ARHGAP24: variants seen among roughly 807,000 people sequenced by gnomAD.
The protein encoded by ARHGAP24 is Rho GTPase activating protein 24, also known as rho GTPase-activating protein 24.
A neutral mutation model predicts 76.4 loss-of-function variants in ARHGAP24; 50 were observed. That is an observed-to-expected ratio of 0.65 (90% CI 0.52 to 0.83). The LOEUF (loss-of-function observed/expected upper bound fraction) is 0.83. Among genes scored for constraint, ARHGAP24 ranks in the 40% least tolerant of loss-of-function variants. The pLI is 0.00. For synonymous variants in ARHGAP24, 345 were observed against 323.3 expected (o/e 1.07, Z -0.72); for missense variants, 930 against 914.2 (o/e 1.02, Z -0.22).
At chr4:85,893,957 G>C (rs1733983093) in intron 3 of ARHGAP24, among the ~76,000 whole-genome samples, 1 of 116,638 alleles carries the variant, frequency 8.6e-6, no homozygotes, top group South Asian at 4.0e-4. Context: ...GGTGGGGTGG[G>C]GGGAGGGGGG....
At chr4:85,945,904 T>C (rs1162511525) in intron 5 of ARHGAP24, among the ~76,000 whole-genome samples, 1 of 152,210 alleles carries the variant, frequency 6.6e-6, no homozygotes, top group Non-Finnish European at 1.5e-5. Flanking sequence ...TCTGTTTTCA[T>C]GCTGCTGATA....
chr4:85,535,155 G>T (rs981270675), intron 1 of ARHGAP24, among the ~76,000 whole-genome samples: 5 of 151,918 alleles, frequency 3.3e-5, no homozygotes, highest in African/African-American at 4.8e-5. Context: ...ATGCATTTTT[G>T]TACCCCTATT....
intron 2 of ARHGAP24, among the ~76,000 whole-genome samples, chr4:85,587,629 T>TAGTC (rs1277931134): frequency 1.3e-5 from 2 of 152,310 alleles, no homozygotes; most frequent in East Asian, 3.9e-4. Context: ...GTATACACTT[T>TAGTC]AGTCAAATTG....
intron 3 of ARHGAP24, among the ~76,000 whole-genome samples, chr4:85,794,412 A>C (rs901620727): frequency 2.0e-5 from 3 of 152,222 alleles, no homozygotes; most frequent in African/African-American, 7.2e-5. Context: ...AGGGAGAAAG[A>C]ATACTTCCCA....
intron 5 of ARHGAP24, among the ~76,000 whole-genome samples, chr4:85,960,731 A>G (rs943414175): frequency 2.6e-5 from 4 of 152,138 alleles, no homozygotes; most frequent in Non-Finnish European, 2.9e-5. Context: ...TCATGTTGCA[A>G]AATAATTTCT....
chr4:85,521,136 C>T (rs1455734583), intron 1 of ARHGAP24, among the ~76,000 whole-genome samples: 1 of 152,088 alleles, frequency 6.6e-6, no homozygotes, highest in Non-Finnish European at 1.5e-5. Context: ...TTCAATGATG[C>T]CCAGTTAAAT....
chr4:85,961,117 G>A (rs1738216281), intron 5 of ARHGAP24, among the ~76,000 whole-genome samples: 1 of 152,026 alleles, frequency 6.6e-6, no homozygotes, highest in African/African-American at 2.4e-5. Flanking sequence ...TAGTGACAAA[G>A]GATCCCTTCT....
intron 4 of ARHGAP24, among the ~76,000 whole-genome samples, chr4:85,933,083 T>C (rs1316893847): frequency 6.6e-6 from 1 of 152,152 alleles, no homozygotes; most frequent in Non-Finnish European, 1.5e-5. Context: ...TTTTGTGCTT[T>C]ATTTAATCTC....
chr4:85,504,834 G>A (rs539931556), intron 1 of ARHGAP24, among the ~76,000 whole-genome samples: 4 of 152,166 alleles, frequency 2.6e-5, no homozygotes, highest in Non-Finnish European at 5.9e-5. Context: ...TTACAATTTA[G>A]CATGTTTTTG....
chr4:85,942,421 A>G lies in ARHGAP24; in HGVS notation c.599+148A>G, dbSNP rs369109146. ...GGCCACAGGAGTTTGCATTGTTTCTATTAAGTTACAAAGTCAAAAATTGGG... is the reference window on the plus strand; with the variant it reads ...GGCCACAGGAGTTTGCATTGTTTCTGTTAAGTTACAAAGTCAAAAATTGGG... On this transcript the variant is annotated intron_variant, in intron 5 of 9. Coordinates refer to ENST00000395184, the MANE Select transcript of ARHGAP24 (RefSeq NM_001025616.3). 5 of 972,248 alleles carry G rather than the reference A, an allele frequency of 5.1e-6. 1 individual carries two copies. In the South Asian group the frequency reaches 6.1e-5, roughly 12 times the overall value. 60.2% of individuals were successfully genotyped at this position (972,248 alleles called of 1,614,324 possible).
chr4:85,537,671 G>A (rs1204218224), intron 1 of ARHGAP24, among the ~76,000 whole-genome samples: 1 of 152,102 alleles, frequency 6.6e-6, no homozygotes, highest in Admixed American at 6.6e-5. Flanking sequence ...TGAACTCCTG[G>A]CATCACTAAG....
At chr4:85,542,183 T>C (rs1994075) in intron 1 of ARHGAP24, among the ~76,000 whole-genome samples, 25,331 of 152,120 alleles carry the variant, frequency 0.17, 4,613 homozygotes, top group African/African-American at 0.46. Context: ...TTTAATGAAT[T>C]ATTAATTTAA....
chr4:85,835,157 A>G (rs1256088289), intron 3 of ARHGAP24, among the ~76,000 whole-genome samples: 1 of 151,844 alleles, frequency 6.6e-6, no homozygotes, highest in Non-Finnish European at 1.5e-5. Context: ...AGATTAGCAT[A>G]CCTCACTCTT....
At chr4:85,924,451 C>T (rs1047120832) in intron 4 of ARHGAP24, among the ~76,000 whole-genome samples, 23 of 151,314 alleles carry the variant, frequency 1.5e-4, no homozygotes, top group African/African-American at 5.6e-4. Flanking sequence ...GCAAATGGAC[C>T]AAAAAAATAA....
intron 9 of ARHGAP24, chr4:86,000,105 TCAGAC>T: frequency 1.3e-5 from 2 of 152,484 alleles, no homozygotes; most frequent in South Asian, 1.9e-4. Flanking sequence ...TTGTTAACTA[TCAGAC>T]TTTCCTGCTG....
chr4:85,605,014 A>G (rs560653457), intron 2 of ARHGAP24, among the ~76,000 whole-genome samples: 66 of 152,338 alleles, frequency 4.3e-4, no homozygotes, highest in Admixed American at 2.4e-3. Context: ...TCACTTTAGA[A>G]TGTTAATTGT....
intron 9 of ARHGAP24, among the ~76,000 whole-genome samples, chr4:85,996,138 C>T (rs1740645422): frequency 6.6e-6 from 1 of 152,074 alleles, no homozygotes; most frequent in Admixed American, 6.6e-5. Flanking sequence ...TTCTATCTGC[C>T]AGGCTCTGTT....
At chr4:85,935,481 G>T (rs1239314607) in intron 4 of ARHGAP24, among the ~76,000 whole-genome samples, 1 of 152,162 alleles carries the variant, frequency 6.6e-6, no homozygotes, top group Admixed American at 6.5e-5. Flanking sequence ...GTTACAAAAA[G>T]ACATTTTCTC....
chr4:85,716,712 A>G (rs72974961), intron 2 of ARHGAP24, among the ~76,000 whole-genome samples: 87 of 150,966 alleles, frequency 5.8e-4, no homozygotes, highest in African/African-American at 2.1e-3. Flanking sequence ...GTGTGTGATT[A>G]AAAAAAAAAT....
Sources: allele counts gnomAD v4.1 joint callset (sites outside exome capture counted in the v4.1 genomes callset), GRCh38; gene constraint gnomAD v4.1.1; transcripts MANE v1.5; gene names NCBI Gene and HGNC (gene_info 2026-07-23, HGNC 2026-07-21).